SENP6: variants seen among roughly 807,000 people sequenced by gnomAD.
The protein encoded by SENP6 is SUMO specific peptidase 6, also known as sentrin-specific protease 6.
Under a neutral mutation model 134.5 loss-of-function variants are expected in SENP6, and 41 were observed. The ratio of observed to expected loss-of-function variants is 0.30; its 90% confidence interval spans 0.24 to 0.40. The LOEUF is 0.40. SENP6 is among the 10% of genes least tolerant of loss of function. The pLI, the probability that SENP6 is intolerant of heterozygous loss-of-function variation, is 1.00. For missense variants in SENP6, 1,248 were observed against 1,312.5 expected (o/e 0.95, Z 0.76); for synonymous variants, 395 against 429.8 (o/e 0.92, Z 1.00).
intron 19 of SENP6, among the ~76,000 whole-genome samples, chr6:75,704,879 T>C (rs1451867562): frequency 4.6e-5 from 7 of 152,166 alleles, no homozygotes; most frequent in Non-Finnish European, 1.0e-4. Flanking sequence ...AAGCACATCC[T>C]GCACAGCCCT....
chr6:75,678,338 TA>T (rs1159726686), intron 14 of SENP6: 8 of 363,814 alleles, frequency 2.2e-5, no homozygotes, highest in Non-Finnish European at 3.4e-5. Context: ...GAGAGAGAAG[TA>T]AGATACTGGA....
At chr6:75,616,440 T>C (rs942119175) in intron 1 of SENP6, among the ~76,000 whole-genome samples, 3 of 152,084 alleles carry the variant, frequency 2.0e-5, no homozygotes, top group Non-Finnish European at 4.4e-5. Context: ...TAGGGTATGA[T>C]TGAGTTTGTT....
At chr6:75,653,277 C>T (rs568921503) in intron 7 of SENP6, among the ~76,000 whole-genome samples, 25 of 152,240 alleles carry the variant, frequency 1.6e-4, no homozygotes, top group African/African-American at 4.6e-4. Context: ...GTGATCCCCC[C>T]GCCTCGGCCT....
intron 18 of SENP6, among the ~76,000 whole-genome samples, chr6:75,699,091 A>G (rs1043622159): frequency 2.0e-5 from 3 of 152,108 alleles, no homozygotes; most frequent in African/African-American, 7.2e-5. Context: ...GTAAAGTAAC[A>G]TGTGAACAGC....
Position 75,715,563 on chromosome 6 carries a change from C to T in SENP6, c.3308C>T (p.Thr1103Ile), listed in dbSNP as rs1012992050. 3 of 1,612,652 alleles carry T rather than the reference C, an allele frequency of 1.9e-6. No individual in the cohort carries two copies. Among genetic ancestry groups the T allele is most frequent in the Non-Finnish European group, 1.7e-6 (2 of 1,179,116 alleles). The change falls in exon 24 of 24, where the codon ACA becomes ATA. Residue 1103 changes from threonine (T) to isoleucine (I), a missense_variant. Around this residue, in one of 3 missense-constraint regions of SENP6, gnomAD observed 386 missense variants for 395.0 expected, o/e 0.98. Coordinates refer to ENST00000447266, the MANE Select transcript of SENP6 (RefSeq NM_015571.4). ...YSTEAPLGEG[T>I]EQYVNSISD ...ACAGAAGCACCTTTAGGCGAAGGAA[C>T]AGAACAATATGTCAATAGTATCTCA... is the stretch of plus-strand genomic sequence containing the variant.
intron 7 of SENP6, among the ~76,000 whole-genome samples, chr6:75,658,260 T>C (rs1248518996): frequency 6.6e-6 from 1 of 152,176 alleles, no homozygotes; most frequent in Non-Finnish European, 1.5e-5. Flanking sequence ...AGTGAAACTT[T>C]GTGATTGCAC....
intron 1 of SENP6, among the ~76,000 whole-genome samples, chr6:75,604,487 C>G (rs1046277003): frequency 1.3e-5 from 2 of 151,688 alleles, no homozygotes; most frequent in Middle Eastern, 3.2e-3. Flanking sequence ...AAAAATTAGC[C>G]GTGTGTGGTT....
At chr6:75,645,460 A>T (rs1770358526) in intron 6 of SENP6, among the ~76,000 whole-genome samples, 1 of 152,100 alleles carries the variant, frequency 6.6e-6, no homozygotes, top group South Asian at 2.1e-4. Context: ...TACTAAAAAT[A>T]ACAAAAATTA....
chr6:75,640,676 GT>G lies in SENP6; in HGVS notation c.459-4del. ...CTCTTATATTTTTTTTCTTTTTCAT[GT>G]TTTAAGCAGTCTGGACCGAAAAGAA... On this transcript the variant is annotated splice_polypyrimidine_tract_variant and splice_region_variant and intron_variant, in intron 5 of 23. Transcript: ENST00000447266. 2 of 1,524,772 alleles carry G rather than the reference GT, an allele frequency of 1.3e-6. No homozygotes were observed. Among genetic ancestry groups the G allele is most frequent in the South Asian group, 1.3e-5 (1 of 74,530 alleles). 94.5% of individuals were successfully genotyped at this position (1,524,772 alleles called of 1,614,324 possible).
intron 11 of SENP6, among the ~76,000 whole-genome samples, chr6:75,674,170 T>A (rs34882981): frequency 0.59 from 65,101 of 111,228 alleles, 20,462 homozygotes; most frequent in Non-Finnish European, 0.7. Context: ...TTTTTTTTTT[T>A]AAAAACGATA....
intron 6 of SENP6, among the ~76,000 whole-genome samples, chr6:75,644,475 C>CTTT (rs71002753): frequency 4.9e-5 from 7 of 143,472 alleles, no homozygotes; most frequent in Non-Finnish European, 6.1e-5. Flanking sequence ...TTCTTTCTTT[C>CTTT]TTTTTTTTTT....
intron 5 of SENP6, among the ~76,000 whole-genome samples, chr6:75,638,920 T>G (rs979329686): frequency 1.3e-5 from 2 of 151,928 alleles, no homozygotes; most frequent in African/African-American, 4.8e-5. Flanking sequence ...TAGCCAGGCA[T>G]AGTGGTGCAC....
intron 16 of SENP6, among the ~76,000 whole-genome samples, chr6:75,682,197 A>G (rs1002589991): frequency 1.3e-5 from 2 of 152,192 alleles, no homozygotes; most frequent in African/African-American, 4.8e-5. Context: ...TACTAATCCT[A>G]TGTACTAAAC....
chr6:75,625,473 A>G (rs1481267654), intron 3 of SENP6, among the ~76,000 whole-genome samples: 2 of 152,088 alleles, frequency 1.3e-5, no homozygotes, highest in African/African-American at 4.8e-5. Context: ...TATGGTGGCT[A>G]TTGCCATGGG....
At chr6:75,642,898 T>G (rs147897642) in intron 6 of SENP6, among the ~76,000 whole-genome samples, 1 of 151,836 alleles carries the variant, frequency 6.6e-6, no homozygotes, top group African/African-American at 2.4e-5. Context: ...GGTCTAGGAG[T>G]TGGGGAGGTA....
intron 10 of SENP6, among the ~76,000 whole-genome samples, chr6:75,667,368 T>C (rs981420083): frequency 6.6e-6 from 1 of 152,174 alleles, no homozygotes; most frequent in African/African-American, 2.4e-5. Context: ...CTAGGACAAC[T>C]ATTTGTAATG....
intron 6 of SENP6, among the ~76,000 whole-genome samples, chr6:75,644,914 G>C (rs1270518310): frequency 1.3e-5 from 2 of 152,268 alleles, no homozygotes; most frequent in South Asian, 4.1e-4. Context: ...AATTGTCTTC[G>C]TAACTTTTCT....
chr6:75,623,909 T>G lies in SENP6; in HGVS notation c.156T>G (p.Asn52Lys). Residue 52 changes from asparagine to lysine, a missense_variant, in exon 3 of 24, where the codon AAT (asparagine) becomes AAG (lysine). Around this residue, in one of 3 missense-constraint regions of SENP6, gnomAD observed 733 missense variants for 725.4 expected, o/e 1.01. Coordinates refer to ENST00000447266, the MANE Select transcript of SENP6 (RefSeq NM_015571.4). ...CTTATTTTCTGTGTAGTGGGACAAA[T>G]CTGCTCAGTGTGGATGAAGATGAGG... ...SEGDTDKDGTNLLSVDEDEDS... is the reference protein window; with the variant it reads ...SEGDTDKDGTKLLSVDEDEDS... 10 of 1,607,070 alleles carry G rather than the reference T, an allele frequency of 6.2e-6. No homozygotes were observed. Among genetic ancestry groups the G allele is most frequent in the Non-Finnish European group, 7.7e-6 (9 of 1,176,394 alleles).
At chr6:75,665,156 G>A (rs919337044) in intron 9 of SENP6, among the ~76,000 whole-genome samples, 8 of 151,998 alleles carry the variant, frequency 5.3e-5, no homozygotes, top group Non-Finnish European at 1.0e-4. Context: ...CATGGTGGTG[G>A]GTGCCTGTAG....
Sources: gnomAD v4.1 joint callset for allele counts (sites outside exome capture counted in the v4.1 genomes callset) on GRCh38, gnomAD v4.1.1 for gene constraint, gnomAD v4.1.1 regional missense constraint, MANE v1.5 for transcripts, NCBI Gene and HGNC (gene_info 2026-07-23, HGNC 2026-07-21) for gene names.